The following AIF1L variants were observed in gnomAD, a reference collection of about 807,000 sequenced individuals.
AIF1L encodes the protein allograft inflammatory factor 1 like.
Under a neutral mutation model 20.7 loss-of-function variants are expected in AIF1L, and 12 were observed. The observed-to-expected ratio is 0.58, with a 90% CI of 0.37 to 0.94. The LOEUF is 0.94. Among genes scored for constraint, AIF1L ranks in the 40% least tolerant of loss-of-function variants. The pLI is 0.01. For synonymous variants in AIF1L, 76 were observed against 65.1 expected (o/e 1.17, Z -0.81); for missense variants, 173 against 185.3 (o/e 0.93, Z 0.39).
chr9:131,103,407 C>A (rs563484155), intron 2 of AIF1L, among the ~76,000 whole-genome samples: 1 of 152,232 alleles, frequency 6.6e-6, no homozygotes, highest in African/African-American at 2.4e-5. Flanking sequence ...CCCCCGCACA[C>A]ACACCTGCCT....
At chr9:131,106,085 A>G in intron 2 of AIF1L, 3 of 1,322,576 alleles carry the variant, frequency 2.3e-6, no homozygotes, top group South Asian at 1.4e-5. Context: ...TCCTCAACAG[A>G]TGTTTATTGA....
rs545758748 is a variant in AIF1L, at chr9:131,111,133, G to T, written c.94-464G>T. On this transcript the variant is annotated intron_variant, in intron 2 of 5. Coordinates refer to ENST00000247291, the MANE Select transcript of AIF1L (RefSeq NM_031426.4). ...GGAGGTTGCAGTGAGCTGAGATCGCGCCATTGCACACCAGCCTGGGGGACA... is the reference window on the plus strand; with the variant it reads ...GGAGGTTGCAGTGAGCTGAGATCGCTCCATTGCACACCAGCCTGGGGGACA... 1.9e-4 allele frequency among the ~76,000 whole-genome samples: 28 copies of T among 150,530 alleles called. No individual in the cohort carries two copies. The South Asian group carries it at 5.9e-3, about 32-fold the overall frequency.
intron 3 of AIF1L, chr9:131,114,305 G>A: frequency 2.2e-6 from 1 of 447,902 alleles, no homozygotes; most frequent in South Asian, 2.3e-5. Flanking sequence ...GGACCCGGGA[G>A]AAAGCAGCTG....
intron 2 of AIF1L, among the ~76,000 whole-genome samples, chr9:131,100,924 G>A (rs1830625966): frequency 6.6e-6 from 1 of 152,092 alleles, no homozygotes; most frequent in African/African-American, 2.4e-5. Flanking sequence ...TTGAGACGGC[G>A]TCTCGCTCTG....
Position 131,117,738 on chromosome 9 carries a change from C to A in AIF1L, c.203-18C>A. ...AGCAGCCCATCTCCACTTAACAGAT[C>A]TGCTTTTCCCCCGGCAGACCTGATG... On this transcript the variant is annotated intron_variant, in intron 4 of 5. Coordinates refer to ENST00000247291, the MANE Select transcript of AIF1L (RefSeq NM_031426.4). The A allele has an allele frequency of 6.3e-7, 1 of 1,595,652 alleles. No homozygotes were observed. Among genetic ancestry groups the A allele is most frequent in the Non-Finnish European group, 8.5e-7 (1 of 1,171,536 alleles).
chr9:131,111,529 A>C, intron 2 of AIF1L, 68 bp from the exon 3 acceptor site: 22 of 1,361,858 alleles, frequency 1.6e-5, no homozygotes, highest in Non-Finnish European at 2.1e-5. Flanking sequence ...GCCCCCGGAC[A>C]GTGGGCCCAT....
At chr9:131,101,258 TTCA>T (rs2133375240) in intron 2 of AIF1L, among the ~76,000 whole-genome samples, 1 of 152,230 alleles carries the variant, frequency 6.6e-6, no homozygotes, top group Non-Finnish European at 1.5e-5. Context: ...CAGATTGACA[TTCA>T]TCATCTCGCT....
At chr9:131,102,580 G>A (rs1830662117) in intron 2 of AIF1L, among the ~76,000 whole-genome samples, 1 of 152,260 alleles carries the variant, frequency 6.6e-6, no homozygotes, top group Non-Finnish European at 1.5e-5. Context: ...GGAAGCTGGA[G>A]ATGGAATTTC....
intron 2 of AIF1L, among the ~76,000 whole-genome samples, chr9:131,104,143 T>C (rs561690258): frequency 4.6e-5 from 7 of 152,204 alleles, no homozygotes; most frequent in Non-Finnish European, 7.3e-5. Context: ...CCTGGCCCTT[T>C]GCTAGGGACT....
Position 131,096,553 on chromosome 9 carries a change from G to C in AIF1L, c.-77G>C. 1 of 1,466,914 alleles carries C rather than the reference G, an allele frequency of 6.8e-7. No individual in the cohort carries two copies. Among genetic ancestry groups the C allele is most frequent in the Non-Finnish European group, 9.0e-7 (1 of 1,114,680 alleles). The allele number at this position is 1,466,914 out of a possible 1,614,324, so 90.9% of individuals were successfully genotyped here. On this transcript the variant is annotated 5_prime_UTR_variant, in exon 1 of 6. Transcript: ENST00000247291. ...GCCACACGCAGCTAGCCGGAGCCCG[G>C]ACCAGGCGCCTGTGCCTCCTCCTCG...
intron 2 of AIF1L, among the ~76,000 whole-genome samples, chr9:131,100,457 G>A (rs892520824): frequency 2.0e-5 from 3 of 152,166 alleles, no homozygotes; most frequent in East Asian, 1.9e-4. Context: ...TTGAGAAAAC[G>A]AGACTCAGAG....
At chr9:131,096,992 A>T in intron 2 of AIF1L, 129 bp downstream of exon 2, 1 of 1,075,930 alleles carries the variant, frequency 9.3e-7, no homozygotes, top group South Asian at 2.0e-5. Flanking sequence ...GGCTTCCCTC[A>T]GGTGCCTCCC....
chr9:131,104,020 T>G (rs1830691083), intron 2 of AIF1L, among the ~76,000 whole-genome samples: 1 of 152,138 alleles, frequency 6.6e-6, no homozygotes, highest in African/African-American at 2.4e-5. Context: ...GGTGGATAAT[T>G]TAACAGCTCT....
At chr9:131,103,779 A>G (rs1588180525) in intron 2 of AIF1L, among the ~76,000 whole-genome samples, 1 of 152,224 alleles carries the variant, frequency 6.6e-6, no homozygotes, top group African/African-American at 2.4e-5. Flanking sequence ...GTAAACAGGT[A>G]AAGTTGCCCT....
intron 2 of AIF1L, among the ~76,000 whole-genome samples, chr9:131,104,295 G>C (rs1830697697): frequency 6.6e-6 from 1 of 152,180 alleles, no homozygotes; most frequent in African/African-American, 2.4e-5. Flanking sequence ...CTTGTCTTTG[G>C]GGACAGTGGG....
chr9:131,115,385 G>A (rs1299936762), intron 4 of AIF1L, among the ~76,000 whole-genome samples: 13 of 147,522 alleles, frequency 8.8e-5, no homozygotes, highest in African/African-American at 3.2e-4. Context: ...AGGAGGCGGA[G>A]GTTGCAGTGA....
chr9:131,103,516 C>T (rs902546418), intron 2 of AIF1L, among the ~76,000 whole-genome samples: 7 of 152,182 alleles, frequency 4.6e-5, no homozygotes, highest in Non-Finnish European at 8.8e-5. Context: ...GCAATTAGCT[C>T]GTTTAATCCT....
chr9:131,104,767 T>C (rs1830708765), intron 2 of AIF1L, among the ~76,000 whole-genome samples: 1 of 152,094 alleles, frequency 6.6e-6, no homozygotes, highest in Non-Finnish European at 1.5e-5. Flanking sequence ...GTGCGGTGGC[T>C]CATACTTGTA....
chr9:131,113,415 T>C (rs1001438226), intron 3 of AIF1L, among the ~76,000 whole-genome samples: 2 of 147,474 alleles, frequency 1.4e-5, no homozygotes, highest in African/African-American at 5.0e-5. Flanking sequence ...GGAGGATTGC[T>C]TGAACCCAGG....
Sources: gnomAD v4.1 joint callset for allele counts (sites outside exome capture counted in the v4.1 genomes callset) on GRCh38, gnomAD v4.1.1 for gene constraint, MANE v1.5 for transcripts, NCBI Gene and HGNC (gene_info 2026-07-23, HGNC 2026-07-21) for gene names.